PLD5: variants seen among roughly 807,000 people sequenced by gnomAD.
PLD5 encodes inactive phospholipase D5.
A neutral mutation model predicts 61.1 loss-of-function variants in PLD5; 36 were observed. The observed-to-expected ratio is 0.59, with a 90% confidence interval of 0.45 to 0.78. The LOEUF (loss-of-function observed/expected upper bound fraction) is 0.78. Ranked by LOEUF, PLD5 falls within the 30% of genes least tolerant of loss-of-function variation. The pLI, the probability that PLD5 is intolerant of heterozygous loss-of-function variation, is 0.00. For synonymous variants in PLD5, 243 were observed against 242.8 expected, an observed-to-expected ratio of 1.00 and a Z score of -0.01; for missense variants, 515 against 644.4, an observed-to-expected ratio of 0.80 and a Z score of 2.17.
intron 5 of PLD5, among the ~76,000 whole-genome samples, chr1:242,145,366 C>A (rs570258766): frequency 2.2e-4 from 34 of 152,228 alleles, no homozygotes; most frequent in African/African-American, 8.2e-4. Context: ...AATATATGTC[C>A]CTCATTGAGG....
chr1:242,149,913 G>C (rs571929802), intron 5 of PLD5, among the ~76,000 whole-genome samples: 1 of 151,672 alleles, frequency 6.6e-6, no homozygotes, highest in Admixed American at 6.6e-5. Flanking sequence ...GTGTTAATTT[G>C]TTCAAGAACT....
chr1:242,239,837 TACTC>T (rs1347314355), intron 4 of PLD5, among the ~76,000 whole-genome samples: 1 of 152,262 alleles, frequency 6.6e-6, no homozygotes, highest in East Asian at 1.9e-4. Flanking sequence ...GGGCATCTAA[TACTC>T]AATAAATATT....
intron 2 of PLD5, among the ~76,000 whole-genome samples, chr1:242,290,569 G>A (rs182163621): frequency 6.6e-6 from 1 of 152,146 alleles, no homozygotes; most frequent in African/African-American, 2.4e-5. Flanking sequence ...AGCTAAGTCT[G>A]ACAGCACACC....
chr1:242,229,313 C>T (rs1314404835), intron 4 of PLD5, among the ~76,000 whole-genome samples: 4 of 152,170 alleles, frequency 2.6e-5, no homozygotes, highest in African/African-American at 4.8e-5. Flanking sequence ...TCGTTTTAAA[C>T]GCATATTACC....
chr1:242,160,090 C>A (rs991397016), intron 5 of PLD5, among the ~76,000 whole-genome samples: 2 of 151,976 alleles, frequency 1.3e-5, no homozygotes, highest in East Asian at 1.9e-4. Flanking sequence ...TGGTTCACTG[C>A]AGCCTCAACC....
Position 242,288,398 on chromosome 1 carries a change from A to T in PLD5, c.459T>A (p.His153Gln). The T allele has an allele frequency of 1.9e-6, 3 of 1,613,094 alleles. No homozygotes were observed. Among genetic ancestry groups the T allele is most frequent in the Non-Finnish European group, 2.5e-6 (3 of 1,179,702 alleles). Residue 153 changes from histidine to glutamine, a missense_variant, in exon 3 of 10, where the codon CAT (histidine) becomes CAA (glutamine). Physicochemically the swap from His to Gln is conservative, Grantham distance 24 (BLOSUM62 0). This residue lies in a region of PLD5 where 450 missense variants were observed against 598.1 expected (regional missense o/e 0.75). Transcript: ENST00000536534. ...ATGGATGAGTGTGGTTGAGATCCCA[A>T]TGGGAAGACACTATGTCAACAGACT... ...AKKSVDIVSS[H>Q]WDLNHTHPSA...
intron 1 of PLD5, among the ~76,000 whole-genome samples, chr1:242,472,516 T>G (rs1298390193): frequency 6.6e-6 from 1 of 152,218 alleles, no homozygotes; most frequent in African/African-American, 2.4e-5. Flanking sequence ...TAAAAGTATA[T>G]TCTTGTTCAC....
intron 2 of PLD5, among the ~76,000 whole-genome samples, chr1:242,313,038 T>C (rs1220260183): frequency 6.6e-6 from 1 of 152,208 alleles, no homozygotes; most frequent in East Asian, 1.9e-4. Context: ...TCGTACCCAC[T>C]ACACAGGGTT....
chr1:242,290,482 T>C (rs974183133), intron 2 of PLD5, among the ~76,000 whole-genome samples: 14 of 152,066 alleles, frequency 9.2e-5, no homozygotes, highest in Non-Finnish European at 1.5e-5. Context: ...GGGACCACAG[T>C]GCAGAGGCTG....
chr1:242,460,122 T>C (rs1572189358), intron 1 of PLD5, among the ~76,000 whole-genome samples: 1 of 152,206 alleles, frequency 6.6e-6, no homozygotes, highest in Non-Finnish European at 1.5e-5. Context: ...ACACACACTA[T>C]ATTGTAAATT....
intron 4 of PLD5, among the ~76,000 whole-genome samples, chr1:242,238,328 C>T (rs540372102): frequency 6.6e-6 from 1 of 152,160 alleles, no homozygotes. Flanking sequence ...GAAACACCTG[C>T]TACCCTCTTC....
intron 1 of PLD5, among the ~76,000 whole-genome samples, chr1:242,381,135 C>T (rs1422184548): frequency 6.6e-6 from 1 of 152,148 alleles, no homozygotes; most frequent in Admixed American, 6.6e-5. Context: ...ATAGCAAAGA[C>T]ATGGAATCAA....
intron 1 of PLD5, among the ~76,000 whole-genome samples, chr1:242,461,010 A>T (rs1010279083): frequency 1.4e-4 from 22 of 152,090 alleles, no homozygotes; most frequent in Admixed American, 3.9e-4. Context: ...ATGTGGTGGC[A>T]TGCACCTGTA....
At position 242,161,974 on chromosome 1, in the gene PLD5, G is replaced by A. The variant is rs1456071857; in HGVS notation, c.736-37309C>T. Among the ~76,000 whole-genome samples the A allele has an allele frequency of 3.9e-5, 6 of 152,256 alleles. No homozygotes were observed. The East Asian group carries it at 1.2e-3, about 29-fold the overall frequency. On this transcript the variant is annotated intron_variant, in intron 5 of 9. Coordinates refer to ENST00000536534, the MANE Select transcript of PLD5 (RefSeq NM_001372062.1). ...ACAGACACAGCTGTTCAACCTCAGA[G>A]GTGGGGCAAACACTGTAATCCTCTG...
intron 2 of PLD5, among the ~76,000 whole-genome samples, chr1:242,291,330 T>G (rs974585492): frequency 4.6e-5 from 7 of 152,164 alleles, no homozygotes; most frequent in Non-Finnish European, 7.3e-5. Context: ...ATTACTTGAT[T>G]AAGGCCTTCC....
intron 5 of PLD5, 77 bp downstream of exon 5, chr1:242,219,911 C>G: frequency 6.5e-7 from 1 of 1,534,788 alleles, no homozygotes; most frequent in Admixed American, 1.7e-5. Context: ...GGATCCTTAT[C>G]TGCAGTAGCG....
intron 1 of PLD5, among the ~76,000 whole-genome samples, chr1:242,395,408 G>A (rs374317155): frequency 2.6e-5 from 4 of 152,112 alleles, no homozygotes; most frequent in East Asian, 3.9e-4. Context: ...AGACAACAGG[G>A]AGATTTATAT....
rs189706404 is a variant in PLD5, at chr1:242,265,050, G to A, written c.607+287C>T. On this transcript the variant is annotated intron_variant, in intron 4 of 9. Transcript: ENST00000536534. ...AGTGGTTCTTCTCTGTAATCACACC[G>A]TTGAAGTGTTCAGAAAGGGTAAGAT... Among the ~76,000 whole-genome samples the A allele has an allele frequency of 1.6e-3, 250 of 152,278 alleles. 1 individual carries two copies. The highest frequency in any genetic ancestry group is 0.01 in the Middle Eastern group (3 of 294).
At chr1:242,373,567 T>C (rs1008283240) in intron 1 of PLD5, among the ~76,000 whole-genome samples, 2 of 152,162 alleles carry the variant, frequency 1.3e-5, no homozygotes, top group African/African-American at 2.4e-5. Flanking sequence ...CCATCAATGA[T>C]AGACTGGATT....
Sources: gnomAD v4.1 joint callset for allele counts (sites outside exome capture counted in the v4.1 genomes callset) on GRCh38, gnomAD v4.1.1 for gene constraint, gnomAD v4.1.1 regional missense constraint, MANE v1.5 for transcripts, NCBI Gene and HGNC (gene_info 2026-07-23, HGNC 2026-07-21) for gene names.